The following TTC39B variants were observed in gnomAD, a reference collection of about 807,000 sequenced individuals.
The protein encoded by TTC39B is tetratricopeptide repeat protein 39B.
In TTC39B, 92 loss-of-function variants were observed where a neutral mutation model predicts 96.6. That is an observed-to-expected ratio of 0.95 (90% CI 0.80 to 1.13). The LOEUF (loss-of-function observed/expected upper bound fraction) is 1.13. TTC39B is among the 50% of genes most tolerant of loss of function. The pLI is 0.00. For missense variants in TTC39B, 955 were observed against 809.3 expected (o/e 1.18, Z -2.18); for synonymous variants, 367 against 299.4 (o/e 1.23, Z -2.33).
intron 1 of TTC39B, among the ~76,000 whole-genome samples, chr9:15,294,982 C>T (rs1284846856): frequency 6.6e-6 from 1 of 152,168 alleles, no homozygotes; most frequent in African/African-American, 2.4e-5. Flanking sequence ...GGGATTCAAG[C>T]CCACGTCCAA....
intron 3 of TTC39B, 62 bp downstream of exon 3, chr9:15,225,855 T>C: frequency 1.4e-6 from 2 of 1,471,264 alleles, no homozygotes; most frequent in Non-Finnish European, 1.9e-6. Context: ...CAGTATTATA[T>C]TCCTTCAAGG....
intron 1 of TTC39B, among the ~76,000 whole-genome samples, chr9:15,280,162 T>C (rs1823705342): frequency 6.6e-6 from 1 of 152,158 alleles, no homozygotes; most frequent in Admixed American, 6.5e-5. Flanking sequence ...CCTCCCAAAG[T>C]GCTGGGATTA....
intron 1 of TTC39B, among the ~76,000 whole-genome samples, chr9:15,290,085 C>G (rs1385006279): frequency 6.6e-6 from 1 of 152,130 alleles, no homozygotes; most frequent in Non-Finnish European, 1.5e-5. Flanking sequence ...GGAAACTTTA[C>G]TTTCTCCTGG....
At chr9:15,251,391 C>T (rs1429127374) in intron 2 of TTC39B, among the ~76,000 whole-genome samples, 1 of 150,998 alleles carries the variant, frequency 6.6e-6, no homozygotes, top group Non-Finnish European at 1.5e-5. Flanking sequence ...GGAGAAACCC[C>T]GTCTCCTCTA....
At chr9:15,282,750 G>A (rs1823814207) in intron 1 of TTC39B, among the ~76,000 whole-genome samples, 1 of 152,026 alleles carries the variant, frequency 6.6e-6, no homozygotes, top group African/African-American at 2.4e-5. Context: ...TGATGAAACT[G>A]GAGCACAGAG....
chr9:15,267,713 C>T (rs1823186392), intron 2 of TTC39B, among the ~76,000 whole-genome samples: 1 of 152,058 alleles, frequency 6.6e-6, no homozygotes, highest in African/African-American at 2.4e-5. Flanking sequence ...AGAAATAATA[C>T]TCAGAAATGT....
chr9:15,183,998 C>T (rs1316735202), intron 16 of TTC39B, among the ~76,000 whole-genome samples: 1 of 152,130 alleles, frequency 6.6e-6, no homozygotes, highest in African/African-American at 2.4e-5. Context: ...CAGGGAGGGG[C>T]TGCATTGTTC....
chr9:15,250,118 G>T, intron 2 of TTC39B: 1 of 1,246,388 alleles, frequency 8.0e-7, no homozygotes. Flanking sequence ...AAGCAAAGTA[G>T]TTGCCGAGGC....
chr9:15,263,485 G>A (rs1003384007), intron 2 of TTC39B, among the ~76,000 whole-genome samples: 6 of 152,206 alleles, frequency 3.9e-5, no homozygotes, highest in African/African-American at 1.4e-4. Flanking sequence ...TTGTGTGCAT[G>A]AAGGCAAAAT....
At chr9:15,175,797 G>T (rs1364932424) in intron 18 of TTC39B, among the ~76,000 whole-genome samples, 2 of 152,144 alleles carry the variant, frequency 1.3e-5, no homozygotes, top group African/African-American at 4.8e-5. Flanking sequence ...CAAGGGCTTT[G>T]TATCCTAATA....
At chr9:15,217,825 A>G (rs1486650620) in intron 3 of TTC39B, among the ~76,000 whole-genome samples, 1 of 152,174 alleles carries the variant, frequency 6.6e-6, no homozygotes, top group Non-Finnish European at 1.5e-5. Flanking sequence ...TTAAGAACCT[A>G]AAGTAGCTAC....
intron 2 of TTC39B, among the ~76,000 whole-genome samples, chr9:15,227,216 G>A (rs1821171130): frequency 6.6e-6 from 1 of 151,684 alleles, no homozygotes; most frequent in South Asian, 2.1e-4. Context: ...CTGAGTCAGG[G>A]AGAATCGCTT....
chr9:15,183,461 G>T (rs1437568598), intron 16 of TTC39B: 25 of 215,200 alleles, frequency 1.2e-4, no homozygotes, highest in East Asian at 1.9e-4. Flanking sequence ...AAATTCCTAG[G>T]TACAAAAAAA....
chr9:15,286,422 T>C lies in TTC39B; in HGVS notation c.241-18474A>G, dbSNP rs182258822. On this transcript the variant is annotated intron_variant, in intron 1 of 19. Coordinates refer to ENST00000512701, the Ensembl canonical transcript of TTC39B. The stretch of plus-strand genomic sequence containing the variant: ...TGTTTCCTTGTGATTCGAGTCAGGT[T>C]AGACGACTACAGAACAGACAGTGTC... Among the ~76,000 whole-genome samples the C allele has an allele frequency of 2.7e-4, 41 of 152,358 alleles. 1 individual carries two copies. Among genetic ancestry groups the C allele is most frequent in the Admixed American group, 2.0e-3 (31 of 15,302 alleles).
At chr9:15,210,822 A>C (rs1267097305) in intron 5 of TTC39B, among the ~76,000 whole-genome samples, 1 of 149,260 alleles carries the variant, frequency 6.7e-6, no homozygotes, top group African/African-American at 2.6e-5. Context: ...CTTCCTATAC[A>C]CACAAAGTAA....
At chr9:15,233,984 T>C (rs1462673929) in intron 2 of TTC39B, among the ~76,000 whole-genome samples, 1 of 148,254 alleles carries the variant, frequency 6.7e-6, no homozygotes, top group African/African-American at 2.5e-5. Context: ...TCGTCTGAGA[T>C]GTGGGGAGCG....
At chr9:15,197,599 G>T (rs899033907) in intron 8 of TTC39B, among the ~76,000 whole-genome samples, 5 of 152,040 alleles carry the variant, frequency 3.3e-5, no homozygotes, top group African/African-American at 1.2e-4. Context: ...GAAAAAAGTA[G>T]GAGTCTCAGG....
intron 2 of TTC39B, among the ~76,000 whole-genome samples, chr9:15,228,902 G>A (rs1429971017): frequency 6.6e-6 from 1 of 152,110 alleles, no homozygotes; most frequent in East Asian, 1.9e-4. Flanking sequence ...CTTTTCTGAG[G>A]TATAAAAGAT....
chr9:15,206,478 T>A (rs1469138124), intron 6 of TTC39B, among the ~76,000 whole-genome samples: 1 of 152,230 alleles, frequency 6.6e-6, no homozygotes, highest in Non-Finnish European at 1.5e-5. Context: ...GCTTAATTTA[T>A]AAAAGTCTTA....
Sources: allele counts gnomAD v4.1 joint callset (sites outside exome capture counted in the v4.1 genomes callset), GRCh38; gene constraint gnomAD v4.1.1; transcripts MANE v1.5; gene names NCBI Gene and HGNC (gene_info 2026-07-23, HGNC 2026-07-21).